The following AHCYL2 variants were observed in gnomAD, a reference collection of about 807,000 sequenced individuals.
AHCYL2 encodes adenosylhomocysteinase like 2.
AHCYL2 carries 28 observed loss-of-function variants against 81.4 expected under a neutral mutation model. The ratio of observed to expected loss-of-function variants is 0.34; its 90% CI spans 0.25 to 0.47. The LOEUF (loss-of-function observed/expected upper bound fraction) is 0.47. Among genes scored for constraint, AHCYL2 ranks in the 20% least tolerant of loss-of-function variants. The pLI, the probability that AHCYL2 is intolerant of heterozygous loss-of-function variation, is 1.00. For synonymous variants in AHCYL2, 272 were observed against 290.2 expected (o/e 0.94, Z 0.64); for missense variants, 551 against 785.1 (o/e 0.70, Z 3.56).
At chr7:129,378,967 A>G (rs1794819763) in intron 1 of AHCYL2, among the ~76,000 whole-genome samples, 1 of 152,098 alleles carries the variant, frequency 6.6e-6, no homozygotes, top group Non-Finnish European at 1.5e-5. Context: ...GGGTGTCACA[A>G]TTTTATTGTA....
intron 1 of AHCYL2, among the ~76,000 whole-genome samples, chr7:129,241,043 T>C (rs1794834031): frequency 6.6e-6 from 1 of 152,134 alleles, no homozygotes; most frequent in South Asian, 2.1e-4. Context: ...ATTATTTTGG[T>C]TGAGAGAGAA....
chr7:129,231,067 C>T (rs1794419041), intron 1 of AHCYL2, among the ~76,000 whole-genome samples: 1 of 151,996 alleles, frequency 6.6e-6, no homozygotes, highest in Admixed American at 6.6e-5. Context: ...CCTGTCTCCA[C>T]TAAAAATACA....
chr7:129,322,982 CT>C (rs1164564686), intron 1 of AHCYL2, among the ~76,000 whole-genome samples: 2 of 152,166 alleles, frequency 1.3e-5, no homozygotes, highest in African/African-American at 4.8e-5. Flanking sequence ...GATCTTCTCT[CT>C]TTTTCTCCTG....
At chr7:129,297,036 T>C (rs902214069) in intron 1 of AHCYL2, among the ~76,000 whole-genome samples, 7 of 152,204 alleles carry the variant, frequency 4.6e-5, no homozygotes, top group African/African-American at 1.7e-4. Context: ...ATGTCAACCT[T>C]TCTGAAGTGG....
At position 129,334,066 on chromosome 7, in the gene AHCYL2, C is replaced by A. The variant is rs552319380; in HGVS notation, c.364-45572C>A. 1.4e-3 allele frequency among the ~76,000 whole-genome samples: 216 copies of A among 152,038 alleles called. 2 individuals are homozygous for A. The South Asian group carries it at 0.022, about 16-fold the overall frequency. On this transcript the variant is annotated intron_variant, in intron 1 of 16. Transcript: ENST00000325006. ...TATAATATTCTGTTGTTGGATGTAC[C>A]TCAGTTTATGCCATCAGAACCCTGT...
chr7:129,296,827 C>T (rs1364869837), intron 1 of AHCYL2, among the ~76,000 whole-genome samples: 2 of 152,146 alleles, frequency 1.3e-5, no homozygotes, highest in Non-Finnish European at 2.9e-5. Context: ...CTATTTTTCA[C>T]ATAATCTGGA....
At chr7:129,335,574 C>T (rs1237662994) in intron 1 of AHCYL2, among the ~76,000 whole-genome samples, 7 of 152,018 alleles carry the variant, frequency 4.6e-5, no homozygotes, top group African/African-American at 9.7e-5. Flanking sequence ...ATTCTCATTT[C>T]GGGTTTCTCA....
At chr7:129,370,915 AC>A (rs1446334380) in intron 1 of AHCYL2, among the ~76,000 whole-genome samples, 1 of 152,178 alleles carries the variant, frequency 6.6e-6, no homozygotes, top group Non-Finnish European at 1.5e-5. Flanking sequence ...TTTGCCAAAG[AC>A]TTTTGAGGCT....
chr7:129,355,369 G>A (rs1793702675), intron 1 of AHCYL2, among the ~76,000 whole-genome samples: 1 of 152,092 alleles, frequency 6.6e-6, no homozygotes, highest in African/African-American at 2.4e-5. Context: ...GAGTTATAGT[G>A]CTGTTATCTC....
intron 4 of AHCYL2, 139 bp from the exon 5 acceptor site, chr7:129,397,083 G>A: frequency 1.5e-6 from 1 of 659,288 alleles, no homozygotes; most frequent in Non-Finnish European, 2.5e-6. Context: ...TACTGAAGAG[G>A]TTCTGTAGAG....
chr7:129,262,591 A>G (rs1795681480), intron 1 of AHCYL2, among the ~76,000 whole-genome samples: 1 of 152,202 alleles, frequency 6.6e-6, no homozygotes, highest in Admixed American at 6.5e-5. Flanking sequence ...GGGAGGGGCA[A>G]TGTCAGGAGG....
intron 5 of AHCYL2, among the ~76,000 whole-genome samples, chr7:129,398,403 A>G (rs1795850589): frequency 6.8e-6 from 1 of 147,120 alleles, no homozygotes. Context: ...TTTTGAGATG[A>G]AGTCTCACTC....
At chr7:129,400,107 A>G (rs73721730) in intron 5 of AHCYL2, among the ~76,000 whole-genome samples, 183 bp from the exon 6 acceptor site, 1,960 of 152,284 alleles carry the variant, frequency 0.013, 41 homozygotes, top group African/African-American at 0.045. Flanking sequence ...CAGAATGACC[A>G]ACAAAGACAA....
rs957853971 is a variant in AHCYL2 at position 129,319,632 on chromosome 7, G to A, written c.364-60006G>A. Among the ~76,000 whole-genome samples, 31 of 152,288 alleles carry A rather than the reference G, an allele frequency of 2.0e-4. 1 individual carries two copies. Among genetic ancestry groups the A allele is most frequent in the African/African-American group, 6.5e-4 (27 of 41,564 alleles). On this transcript the variant is annotated intron_variant, in intron 1 of 16. Transcript: ENST00000325006. ...GCATGTTGGCAATTACTTATCTGCT[G>A]TCTTACCACAATAGATTTGTTTGCA...
chr7:129,349,346 A>T (rs956538560), intron 1 of AHCYL2, among the ~76,000 whole-genome samples: 2 of 151,614 alleles, frequency 1.3e-5, no homozygotes, highest in Admixed American at 1.3e-4. Flanking sequence ...ATAAGAACTT[A>T]TGTCAGGCCG....
At chr7:129,258,369 T>A (rs1795501461) in intron 1 of AHCYL2, among the ~76,000 whole-genome samples, 1 of 151,984 alleles carries the variant, frequency 6.6e-6, no homozygotes, top group South Asian at 2.1e-4. Context: ...ACTACGTGTA[T>A]ACCAGGACTA....
intron 1 of AHCYL2, among the ~76,000 whole-genome samples, chr7:129,315,063 G>C (rs1001329973): frequency 2.7e-4 from 41 of 152,072 alleles, no homozygotes; most frequent in African/African-American, 9.9e-4. Flanking sequence ...TTGGTGCTCT[G>C]TAAGTGATAG....
At position 129,262,656 on chromosome 7, in the gene AHCYL2, AG is replaced by A. The variant is rs531409090; in HGVS notation, c.363+37219del. ...AAAGGCTGGTTTCTGTTTAACCCTTAGGAAAGAAGCCTAATGCTGGGCAGCA... is the reference window on the plus strand; with the variant it reads ...AAAGGCTGGTTTCTGTTTAACCCTTAGAAAGAAGCCTAATGCTGGGCAGCA... On this transcript the variant is annotated intron_variant, in intron 1 of 16. Coordinates refer to ENST00000325006, the MANE Select transcript of AHCYL2 (RefSeq NM_015328.4). Among the ~76,000 whole-genome samples the A allele has an allele frequency of 5.0e-3, 767 of 152,294 alleles. 2 individuals carry two copies. The highest frequency in any genetic ancestry group is 7.6e-3 in the Non-Finnish European group (514 of 68,020).
chr7:129,416,039 CA>C (rs1796831422), intron 12 of AHCYL2, among the ~76,000 whole-genome samples: 1 of 151,498 alleles, frequency 6.6e-6, no homozygotes, highest in Non-Finnish European at 1.5e-5. Flanking sequence ...AACTCCATCT[CA>C]AAAAGAAAAA....
Sources: gnomAD v4.1 joint callset for allele counts (sites outside exome capture counted in the v4.1 genomes callset) on GRCh38, gnomAD v4.1.1 for gene constraint, MANE v1.5 for transcripts, NCBI Gene and HGNC (gene_info 2026-07-23, HGNC 2026-07-21) for gene names.